The following SGCZ variants were observed in gnomAD, a reference collection of about 807,000 sequenced individuals.
SGCZ encodes the protein zeta-sarcoglycan.
A neutral mutation model predicts 41.3 loss-of-function variants in SGCZ; 40 were observed. The ratio of observed to expected loss-of-function variants is 0.97; its 90% CI spans 0.75 to 1.26. The LOEUF (loss-of-function observed/expected upper bound fraction) is 1.26. Ranked by LOEUF, SGCZ falls within the 50% of genes most tolerant of loss-of-function variation. The probability of loss-of-function intolerance (pLI) is 0.00; values close to 1 mark genes in which losing one functional copy is unlikely to be tolerated. For synonymous variants in SGCZ, 206 were observed against 137.5 expected, an observed-to-expected ratio of 1.50 and a Z score of -3.49; for missense variants, 552 against 369.8, an observed-to-expected ratio of 1.49 and a Z score of -4.04.
At chr8:14,865,078 A>G (rs1360801076) in intron 1 of SGCZ, among the ~76,000 whole-genome samples, 1 of 152,066 alleles carries the variant, frequency 6.6e-6, no homozygotes, top group Non-Finnish European at 1.5e-5. Flanking sequence ...ACACATATAT[A>G]TATTCATAAT....
At chr8:14,106,072 T>G (rs1338231075) in intron 6 of SGCZ, among the ~76,000 whole-genome samples, 2 of 152,210 alleles carry the variant, frequency 1.3e-5, no homozygotes. Flanking sequence ...GCAGCCACTT[T>G]CCTTATATCC....
chr8:14,421,056 T>G (rs1218372326), intron 2 of SGCZ, among the ~76,000 whole-genome samples: 3 of 152,144 alleles, frequency 2.0e-5, no homozygotes, highest in Non-Finnish European at 4.4e-5. Context: ...GATTTTATTC[T>G]AAACTACTCT....
intron 3 of SGCZ, among the ~76,000 whole-genome samples, chr8:14,313,371 T>G (rs938795882): frequency 6.6e-6 from 1 of 152,230 alleles, no homozygotes; most frequent in Non-Finnish European, 1.5e-5. Flanking sequence ...TGGATCACAG[T>G]TGCGCCATCT....
At chr8:14,496,882 T>C (rs76109831) in intron 2 of SGCZ, among the ~76,000 whole-genome samples, 7,375 of 152,262 alleles carry the variant, frequency 0.048, 491 homozygotes, top group African/African-American at 0.15. Context: ...ACATCTATTT[T>C]ATTTCTAATT....
intron 1 of SGCZ, among the ~76,000 whole-genome samples, chr8:15,229,186 C>T (rs920994389): frequency 7.3e-5 from 11 of 151,484 alleles, no homozygotes; most frequent in African/African-American, 1.2e-4. Context: ...AGCAAGACTC[C>T]GTCTCAAAAA....
intron 1 of SGCZ, among the ~76,000 whole-genome samples, chr8:15,169,151 G>C (rs1799754253): frequency 6.6e-6 from 1 of 152,188 alleles, no homozygotes; most frequent in East Asian, 1.9e-4. Flanking sequence ...AGGAAGCTCT[G>C]ACTGCCGCTT....
chr8:15,104,259 A>G lies in SGCZ; in HGVS notation c.39+133326T>C, dbSNP rs781782401. Reference sequence around the variant, plus strand: ...TCTCCATCTAAGCTACCCAGCAGCTAATCAACTAATACAGTCTCTTATACA... The same window carrying G: ...TCTCCATCTAAGCTACCCAGCAGCTGATCAACTAATACAGTCTCTTATACA... On this transcript the variant is annotated intron_variant, in intron 1 of 7. Transcript: ENST00000382080. Among the ~76,000 whole-genome samples the G allele has an allele frequency of 3.9e-5, 6 of 152,322 alleles. No homozygotes were observed. In the East Asian group the frequency reaches 1.2e-3, roughly 30 times the overall value.
intron 1 of SGCZ, among the ~76,000 whole-genome samples, chr8:15,129,261 C>T (rs867564943): frequency 6.6e-6 from 1 of 152,120 alleles, no homozygotes; most frequent in Non-Finnish European, 1.5e-5. Flanking sequence ...AATGTCCACA[C>T]TTTCTTTTGC....
chr8:14,459,865 A>G (rs1176130000), intron 2 of SGCZ, among the ~76,000 whole-genome samples: 1 of 152,200 alleles, frequency 6.6e-6, no homozygotes, highest in Non-Finnish European at 1.5e-5. Flanking sequence ...ATTGAGAGAC[A>G]TATTTTACAA....
At chr8:14,339,169 T>C (rs1802611130) in intron 2 of SGCZ, among the ~76,000 whole-genome samples, 3 of 152,194 alleles carry the variant, frequency 2.0e-5, no homozygotes, top group Non-Finnish European at 4.4e-5. Flanking sequence ...TACTGCAAAC[T>C]TTCTTCTACA....
At chr8:14,542,929 T>A (rs777224862) in intron 2 of SGCZ, among the ~76,000 whole-genome samples, 24 of 152,010 alleles carry the variant, frequency 1.6e-4, no homozygotes, top group Non-Finnish European at 2.9e-4. Context: ...TTAATAACAC[T>A]GACATATATA....
chr8:14,877,867 C>T (rs1804421499), intron 1 of SGCZ, among the ~76,000 whole-genome samples: 1 of 151,974 alleles, frequency 6.6e-6, no homozygotes, highest in African/African-American at 2.4e-5. Flanking sequence ...TTTTCATGTT[C>T]CTTTCTGTTA....
At chr8:14,627,417 A>T (rs1286714048) in intron 1 of SGCZ, among the ~76,000 whole-genome samples, 2 of 152,112 alleles carry the variant, frequency 1.3e-5, no homozygotes, top group African/African-American at 4.8e-5. Flanking sequence ...ATGCTGGATC[A>T]TTTTTGATCC....
At chr8:14,145,084 C>T (rs1049117065) in intron 5 of SGCZ, among the ~76,000 whole-genome samples, 4 of 152,150 alleles carry the variant, frequency 2.6e-5, no homozygotes, top group Admixed American at 2.0e-4. Flanking sequence ...AGACATAGGC[C>T]TGGCTGGCTT....
At chr8:14,215,173 C>T (rs1346901008) in intron 4 of SGCZ, among the ~76,000 whole-genome samples, 1 of 152,074 alleles carries the variant, frequency 6.6e-6, no homozygotes, top group Non-Finnish European at 1.5e-5. Flanking sequence ...TGTTTCTTGA[C>T]TATACTGAAT....
chr8:15,186,262 CAAAAAAAAAAAAAAAA>C (rs61237091), intron 1 of SGCZ, among the ~76,000 whole-genome samples: 23 of 80,714 alleles, frequency 2.8e-4, no homozygotes, highest in Admixed American at 2.5e-3. Context: ...GATTCCGTAC[CAAAAAAAAAAAAAAAA>C]AAAAAAAAAA....
At chr8:14,140,175 A>T (rs540888286) in intron 5 of SGCZ, among the ~76,000 whole-genome samples, 1 of 152,324 alleles carries the variant, frequency 6.6e-6, no homozygotes, top group Non-Finnish European at 1.5e-5. Flanking sequence ...CGTATCTCAA[A>T]ATAATAAGAG....
At chr8:14,993,001 G>A (rs1802075617) in intron 1 of SGCZ, among the ~76,000 whole-genome samples, 3 of 148,192 alleles carry the variant, frequency 2.0e-5, no homozygotes, top group Non-Finnish European at 4.5e-5. Flanking sequence ...TGTTACCCTT[G>A]ATATTTACCT....
At chr8:14,453,773 C>A (rs1489925522) in intron 2 of SGCZ, among the ~76,000 whole-genome samples, 1 of 152,128 alleles carries the variant, frequency 6.6e-6, no homozygotes, top group Non-Finnish European at 1.5e-5. Flanking sequence ...TACTTTCATT[C>A]AAAAATCTAC....
Sources: gnomAD v4.1 joint callset for allele counts (sites outside exome capture counted in the v4.1 genomes callset) on GRCh38, gnomAD v4.1.1 for gene constraint, MANE v1.5 for transcripts, NCBI Gene and HGNC (gene_info 2026-07-23, HGNC 2026-07-21) for gene names.